The following EZH2 variants were observed in gnomAD, a reference collection of about 807,000 sequenced individuals.
The protein encoded by EZH2 is enhancer of zeste 2 polycomb repressive complex 2 subunit.
A neutral mutation model predicts 98.4 loss-of-function variants in EZH2; 18 were observed. The observed-to-expected ratio is 0.18, with a 90% CI of 0.13 to 0.27. The LOEUF (loss-of-function observed/expected upper bound fraction) is 0.27, where lower values mean the gene tolerates loss of function less well. EZH2 is among the 10% of genes least tolerant of loss of function. The pLI is 1.00. For synonymous variants in EZH2, 338 were observed against 312.3 expected (o/e 1.08, Z -0.87); for missense variants, 470 against 935.1 (o/e 0.50, Z 6.49).
chr7:148,819,968 T>C (rs1183706180), intron 8 of EZH2, among the ~76,000 whole-genome samples: 3 of 152,226 alleles, frequency 2.0e-5, no homozygotes, highest in Non-Finnish European at 4.4e-5. Flanking sequence ...CGCATAACTA[T>C]GGTTATAAAC....
At chr7:148,834,084 T>C (rs1381109600) in intron 3 of EZH2, among the ~76,000 whole-genome samples, 1 of 152,158 alleles carries the variant, frequency 6.6e-6, no homozygotes, top group African/African-American at 2.4e-5. Context: ...GATTCTAAGA[T>C]GCATGTTGTT....
At chr7:148,847,753 A>G (rs1814541138) in intron 1 of EZH2, among the ~76,000 whole-genome samples, 1 of 152,214 alleles carries the variant, frequency 6.6e-6, no homozygotes, top group Non-Finnish European at 1.5e-5. Flanking sequence ...ATTTACAAAC[A>G]GTACTAAAAG....
intron 1 of EZH2, among the ~76,000 whole-genome samples, chr7:148,861,008 C>G (rs1019237157): frequency 2.0e-5 from 3 of 151,886 alleles, no homozygotes; most frequent in African/African-American, 4.8e-5. Flanking sequence ...TTATAGCAAG[C>G]CCTCAGTATC....
At chr7:148,827,095 T>C (rs1807938284) in intron 7 of EZH2, 69 bp downstream of exon 7, 3 of 1,225,426 alleles carry the variant, frequency 2.4e-6, no homozygotes, top group Non-Finnish European at 1.2e-6. Context: ...TGATTCCATT[T>C]GTAATAAACC....
rs1252959681 is a variant in EZH2, at chr7:148,808,958, T to G, written c.2195+113A>C. The G allele has an allele frequency of 3.9e-6, 3 of 763,194 alleles. No individual in the cohort carries two copies. The East Asian group carries it at 7.6e-5, about 19-fold the overall frequency. The allele number at this position is 763,194 out of a possible 1,614,324, so 47.3% of individuals were successfully genotyped here. ...TAACCTAATTCCCCACTAATGCTCA[T>G]GGCAAAGTGACCCATCAAAAGAAGC... On this transcript the variant is annotated intron_variant, in intron 19 of 19. Coordinates refer to ENST00000320356, the MANE Select transcript of EZH2 (RefSeq NM_004456.5).
chr7:148,843,227 A>T (rs1037096502), intron 3 of EZH2, among the ~76,000 whole-genome samples: 11 of 151,370 alleles, frequency 7.3e-5, no homozygotes, highest in African/African-American at 2.4e-4. Flanking sequence ...AAAAAAAAAA[A>T]ATTAGCCCGA....
At chr7:148,826,409 C>CT (rs1807732389) in intron 8 of EZH2, 45 bp downstream of exon 8, 1 of 1,462,000 alleles carries the variant, frequency 6.8e-7, no homozygotes, top group South Asian at 1.6e-5. Context: ...CTCCAAGCTG[C>CT]TTTAAAACAT....
At chr7:148,861,641 C>T (rs1433665021) in intron 1 of EZH2, among the ~76,000 whole-genome samples, 4 of 151,994 alleles carry the variant, frequency 2.6e-5, no homozygotes, top group Non-Finnish European at 4.4e-5. Flanking sequence ...ATAAATAACA[C>T]ATTTTTAAAA....
intron 15 of EZH2, among the ~76,000 whole-genome samples, chr7:148,812,400 A>G (rs1803342516): frequency 6.6e-6 from 1 of 152,226 alleles, no homozygotes; most frequent in Non-Finnish European, 1.5e-5. Context: ...CCAATTTTTC[A>G]TCACGGCTCA....
intron 10 of EZH2, 157 bp downstream of exon 10, chr7:148,817,720 G>T: frequency 9.3e-7 from 1 of 1,079,584 alleles, no homozygotes; most frequent in Non-Finnish European, 1.4e-6. Flanking sequence ...GTGCAGGCAG[G>T]AAACAGAAAC....
chr7:148,851,172 T>C (rs1175137412), intron 1 of EZH2, among the ~76,000 whole-genome samples: 1 of 152,086 alleles, frequency 6.6e-6, no homozygotes, highest in Non-Finnish European at 1.5e-5. Flanking sequence ...GGGTGGCCTA[T>C]CCATGCTTGA....
chr7:148,858,513 T>C (rs775237370), intron 1 of EZH2, among the ~76,000 whole-genome samples: 1 of 151,866 alleles, frequency 6.6e-6, no homozygotes, highest in African/African-American at 2.4e-5. Context: ...AACTCCCAAA[T>C]ATAATTCTAC....
At chr7:148,842,756 C>T (rs969415708) in intron 3 of EZH2, among the ~76,000 whole-genome samples, 1 of 151,846 alleles carries the variant, frequency 6.6e-6, no homozygotes, top group South Asian at 2.1e-4. Context: ...AAAAGAGTTG[C>T]CCTAAAGTAT....
At chr7:148,839,037 GCAAAA>G (rs1173663614) in intron 3 of EZH2, among the ~76,000 whole-genome samples, 1 of 120,954 alleles carries the variant, frequency 8.3e-6, no homozygotes, top group African/African-American at 3.2e-5. Context: ...GGGTAATAGA[GCAAAA>G]CTCTGTCAAA....
intron 1 of EZH2, among the ~76,000 whole-genome samples, chr7:148,865,680 C>T (rs1038623265): frequency 6.6e-5 from 10 of 152,174 alleles, no homozygotes; most frequent in African/African-American, 2.4e-4. Context: ...TTCCCACAAA[C>T]TCTGCATGGG....
At chr7:148,881,666 G>A (rs1820974434) in intron 1 of EZH2, among the ~76,000 whole-genome samples, 3 of 152,212 alleles carry the variant, frequency 2.0e-5, no homozygotes, top group African/African-American at 4.8e-5. Context: ...GCTGGGCGTG[G>A]TGGCTCACGT....
intron 11 of EZH2, 99 bp from the exon 12 acceptor site, chr7:148,816,877 T>C (rs756766775): frequency 8.3e-5 from 69 of 835,900 alleles, no homozygotes; most frequent in Non-Finnish European, 1.4e-4. Flanking sequence ...GTCTCTTCTG[T>C]GACACTGCTA....
chr7:148,882,132 TATA>T (rs1236940474), intron 1 of EZH2, among the ~76,000 whole-genome samples: 4 of 152,292 alleles, frequency 2.6e-5, no homozygotes, highest in East Asian at 3.9e-4. Flanking sequence ...ACTTTTTTGT[TATA>T]ATGTCTCAAC....
intron 1 of EZH2, chr7:148,850,389 C>A (rs752061807): frequency 1.8e-6 from 1 of 569,326 alleles, no homozygotes; most frequent in South Asian, 7.7e-5. Context: ...TGTTTTAGTA[C>A]TAGAACTGTC....
Sources: gnomAD v4.1 joint callset for allele counts (sites outside exome capture counted in the v4.1 genomes callset) on GRCh38, gnomAD v4.1.1 for gene constraint, MANE v1.5 for transcripts, NCBI Gene and HGNC (gene_info 2026-07-23, HGNC 2026-07-21) for gene names.